FSAF1: variants seen among roughly 807,000 people sequenced by gnomAD.
The protein encoded by FSAF1 is uncharacterized protein C1orf131.
chr1:231,225,734 G>A, the FSAF1 span: 1 of 560,820 alleles, frequency 1.8e-6, no homozygotes, highest in Non-Finnish European at 3.2e-6. Flanking sequence ...CATGCCTATA[G>A]TCCTAGCACT....
chr1:231,239,487 T>C, the FSAF1 span, among the ~76,000 whole-genome samples: 1 of 152,206 alleles, frequency 6.6e-6, no homozygotes, highest in African/African-American at 2.4e-5. Context: ...GGGCTGGTAA[T>C]CCCAATTGGC....
At chr1:231,224,475 T>C in the FSAF1 span, 1 of 1,519,930 alleles carries the variant, frequency 6.6e-7, no homozygotes, top group South Asian at 1.3e-5. Context: ...AGCATCACAG[T>C]ACCACCAACC....
chr1:231,230,974 C>T, the FSAF1 span, among the ~76,000 whole-genome samples: 15 of 152,268 alleles, frequency 9.9e-5, no homozygotes, highest in African/African-American at 2.4e-5. Flanking sequence ...TGGACGCTGA[C>T]TGGCTCTCCG....
At chr1:231,241,059 A>C in the FSAF1 span, 1 of 1,614,108 alleles carries the variant, frequency 6.2e-7, no homozygotes, top group East Asian at 2.2e-5. Flanking sequence ...AGCGTCAAGA[A>C]GTGTCGGAGA....
chr1:231,224,403 T>C, the FSAF1 span: 2 of 1,602,540 alleles, frequency 1.2e-6, no homozygotes, highest in African/African-American at 1.4e-5. Flanking sequence ...AGCGGACTTC[T>C]TTTTGGATTT....
the FSAF1 span, among the ~76,000 whole-genome samples, chr1:231,228,527 A>C: frequency 2.7e-5 from 4 of 150,072 alleles, no homozygotes; most frequent in East Asian, 7.9e-4. Context: ...TGAACTCAGG[A>C]GCTGGAGGCT....
chr1:231,233,158 G>A, the FSAF1 span, among the ~76,000 whole-genome samples: 25 of 152,304 alleles, frequency 1.6e-4, no homozygotes, highest in African/African-American at 6.0e-4. Context: ...TTTGGGGAAC[G>A]ATCAAAGCTA....
At chr1:231,227,916 A>T in the FSAF1 span, among the ~76,000 whole-genome samples, 27 of 152,272 alleles carry the variant, frequency 1.8e-4, no homozygotes, top group African/African-American at 6.3e-4. Flanking sequence ...TGAACAGCTG[A>T]TACAAAGAAT....
At chr1:231,224,259 G>A in the FSAF1 span, 39 of 1,601,826 alleles carry the variant, frequency 2.4e-5, no homozygotes, top group Middle Eastern at 5.0e-4. Flanking sequence ...TCCCATCCTC[G>A]TTTTATTTGA....
the FSAF1 span, among the ~76,000 whole-genome samples, chr1:231,232,493 G>A: frequency 6.6e-6 from 1 of 152,200 alleles, no homozygotes; most frequent in Non-Finnish European, 1.5e-5. Context: ...GGTGAGGATG[G>A]TGTGGCACAG....
the FSAF1 span, chr1:231,238,791 G>T: frequency 7.0e-7 from 1 of 1,427,616 alleles, no homozygotes; most frequent in Non-Finnish European, 9.5e-7. Context: ...AGTCTAAAGA[G>T]CTATTCACCT....
chr1:231,239,155 A>ATCT, the FSAF1 span: 1 of 1,593,240 alleles, frequency 6.3e-7, no homozygotes, highest in Non-Finnish European at 8.5e-7. Flanking sequence ...TTTCTTTATG[A>ATCT]TCTTCTTCTG....
chr1:231,238,616 G>A, the FSAF1 span: 1 of 411,774 alleles, frequency 2.4e-6, no homozygotes, highest in Non-Finnish European at 4.4e-6. Context: ...TACTAGCAAT[G>A]TGATTGATGG....
At chr1:231,238,896 T>C in the FSAF1 span, 2 of 1,613,996 alleles carry the variant, frequency 1.2e-6, no homozygotes, top group Non-Finnish European at 1.7e-6. Context: ...ATTTTCTTTT[T>C]TTATTGCTGT....
the FSAF1 span, chr1:231,226,511 G>T: frequency 1.7e-6 from 1 of 582,508 alleles, no homozygotes; most frequent in Non-Finnish European, 3.1e-6. Context: ...CAACAAAAAC[G>T]GACTAAGACA....
At chr1:231,226,592 G>T in the FSAF1 span, 1 of 744,632 alleles carries the variant, frequency 1.3e-6, no homozygotes, top group South Asian at 1.6e-5. Flanking sequence ...TTACTAAACA[G>T]AGCTAACTCG....
chr1:231,225,155 G>A, the FSAF1 span: 6 of 411,476 alleles, frequency 1.5e-5, no homozygotes, highest in Non-Finnish European at 2.6e-5. Context: ...CAAAGAGCAG[G>A]CTATACAGAC....
chr1:231,225,494 CT>C, the FSAF1 span: 1 of 1,613,854 alleles, frequency 6.2e-7, no homozygotes, highest in South Asian at 1.1e-5. Context: ...CTTTCCTCTT[CT>C]TTTTCTTGAA....
At chr1:231,231,459 G>A in the FSAF1 span, among the ~76,000 whole-genome samples, 3 of 152,014 alleles carry the variant, frequency 2.0e-5, no homozygotes, top group African/African-American at 4.8e-5. Flanking sequence ...CCTCCTACCC[G>A]CTCCACTGAA....
Sources: allele counts gnomAD v4.1 joint callset (sites outside exome capture counted in the v4.1 genomes callset), GRCh38; gene constraint gnomAD v4.1.1; transcripts MANE v1.5; gene names NCBI Gene and HGNC (gene_info 2026-07-23, HGNC 2026-07-21).